The following RIC3 variants were observed in gnomAD, a reference collection of about 807,000 sequenced individuals.
RIC3 encodes the protein RIC3 acetylcholine receptor chaperone.
A neutral mutation model predicts 27.3 loss-of-function variants in RIC3; 28 were observed. The observed-to-expected ratio is 1.02, with a 90% CI of 0.76 to 1.41. RIC3 has a LOEUF of 1.41. Among genes scored for constraint, RIC3 ranks in the 40% most tolerant of loss-of-function variants. The pLI is 0.00. For synonymous variants in RIC3, 184 were observed against 160.4 expected (o/e 1.15, Z -1.11); for missense variants, 501 against 444.7 (o/e 1.13, Z -1.14).
At chr11:8,093,121 G>T in the RIC3 span, among the ~76,000 whole-genome samples, 1 of 152,126 alleles carries the variant, frequency 6.6e-6, no homozygotes, top group Non-Finnish European at 1.5e-5. Flanking sequence ...TTGCTTTGTG[G>T]AAGGAAGCCA....
chr11:8,101,308 A>C (rs978830783), downstream of RIC3, among the ~76,000 whole-genome samples: 2 of 151,574 alleles, frequency 1.3e-5, no homozygotes, highest in South Asian at 4.2e-4. Flanking sequence ...GCCATCTGCC[A>C]CCTCTTTCCT....
chr11:8,141,200 A>C (rs1319519515), intron 1 of RIC3, among the ~76,000 whole-genome samples: 1 of 152,010 alleles, frequency 6.6e-6, no homozygotes, highest in Non-Finnish European at 1.5e-5. Context: ...TTAAATGTAA[A>C]TGGACTAAAT....
chr11:8,112,369 C>T (rs937829034), intron 5 of RIC3, among the ~76,000 whole-genome samples: 19 of 151,448 alleles, frequency 1.3e-4, no homozygotes, highest in African/African-American at 3.4e-4. Context: ...TCTCGGTTCA[C>T]TGCAACCTCT....
At chr11:8,153,942 T>G (rs1458686725) in intron 1 of RIC3, among the ~76,000 whole-genome samples, 1 of 152,186 alleles carries the variant, frequency 6.6e-6, no homozygotes, top group Non-Finnish European at 1.5e-5. Context: ...AATGCTGCAT[T>G]TGGCAAAGAT....
chr11:8,100,754 G>A, the RIC3 span: 2 of 1,593,476 alleles, frequency 1.3e-6, no homozygotes, highest in East Asian at 2.2e-5. Context: ...CCCATTCCCG[G>A]GATAGATCCC....
rs1356953587 is a variant in RIC3 at position 8,108,231 on chromosome 11, A to G, written c.*2467T>C. ...AACAGCCTCACCAAAATACTTGAACATCCATGTATTTTCACACCCTACTGC... is the reference window on the plus strand; with the variant it reads ...AACAGCCTCACCAAAATACTTGAACGTCCATGTATTTTCACACCCTACTGC... On this transcript the variant is annotated 3_prime_UTR_variant, in exon 6 of 6. Coordinates refer to ENST00000309737, the MANE Select transcript of RIC3 (RefSeq NM_001206671.4). 4 of 152,156 alleles carry G rather than the reference A, an allele frequency of 2.6e-5. No individual in the cohort carries two copies. The highest frequency in any genetic ancestry group is 9.7e-5 in the African/African-American group (4 of 41,428). 9.4% of individuals were successfully genotyped at this position (152,156 alleles called of 1,614,324 possible).
chr11:8,111,173 T>C, intron 5 of RIC3, 36 bp from the exon 6 acceptor site: 1 of 1,411,448 alleles, frequency 7.1e-7, no homozygotes, highest in East Asian at 2.4e-5. Context: ...TTACAAAGAA[T>C]GTCTCCTCAA....
At chr11:8,129,360 A>ACCTCTATAGAAAAGATGTCCTAATG (rs1252714077) in intron 4 of RIC3, among the ~76,000 whole-genome samples, 8 of 152,006 alleles carry the variant, frequency 5.3e-5, no homozygotes, top group African/African-American at 1.7e-4. Context: ...TTAGACCATC[A>ACCTCTATAGAAAAGATGTCCTAATG]CCTCTATAGA....
At chr11:8,118,214 G>A (rs1303676543) in intron 5 of RIC3, among the ~76,000 whole-genome samples, 7 of 141,818 alleles carry the variant, frequency 4.9e-5, no homozygotes, top group African/African-American at 1.1e-4. Flanking sequence ...GACAGAGCAA[G>A]GTTCCATCTC....
rs1269526666 is a variant in RIC3, at chr11:8,108,654, G to A, written c.*2044C>T. The A allele has an allele frequency of 6.6e-6, 1 of 152,132 alleles. No individual in the cohort carries two copies. Among genetic ancestry groups the A allele is most frequent in the Non-Finnish European group, 1.5e-5 (1 of 68,022 alleles). 9.4% of individuals were successfully genotyped at this position (152,132 alleles called of 1,614,324 possible). On this transcript the variant is annotated 3_prime_UTR_variant, in exon 6 of 6. Transcript: ENST00000309737. ...TATGGCTCATGTTTCTCTGCCTGCA[G>A]GATTCACGATCCTGAGCCCTCTTAC...
chr11:8,148,445 T>C (rs746751607), intron 1 of RIC3, among the ~76,000 whole-genome samples: 2 of 152,226 alleles, frequency 1.3e-5, no homozygotes, highest in Non-Finnish European at 2.9e-5. Flanking sequence ...ATCAGGTGGC[T>C]AATGTTCAAT....
At chr11:8,159,023 G>T (rs924473408) in intron 1 of RIC3, among the ~76,000 whole-genome samples, 1 of 151,488 alleles carries the variant, frequency 6.6e-6, no homozygotes, top group African/African-American at 2.4e-5. Context: ...GAGCCACCGC[G>T]CTCGGCCACA....
chr11:8,105,904 G>A (rs547392395), downstream of RIC3: 8 of 152,042 alleles, frequency 5.3e-5, no homozygotes, highest in East Asian at 3.9e-4. Flanking sequence ...CTGACTGCTC[G>A]GTCAGGAGGG....
At chr11:8,131,066 T>A (rs975088955) in intron 4 of RIC3, among the ~76,000 whole-genome samples, 13 of 150,144 alleles carry the variant, frequency 8.7e-5, no homozygotes, top group African/African-American at 3.2e-4. Flanking sequence ...AGAAATCACA[T>A]GAGATAGTTA....
downstream of RIC3, chr11:8,105,259 A>G (rs1944502873): frequency 6.6e-6 from 1 of 152,078 alleles, no homozygotes; most frequent in Non-Finnish European, 1.5e-5. Context: ...CTCAGATTAC[A>G]CTTCTCCAGA....
At chr11:8,098,021 A>C in the RIC3 span, among the ~76,000 whole-genome samples, 1 of 152,164 alleles carries the variant, frequency 6.6e-6, no homozygotes, top group Non-Finnish European at 1.5e-5. Context: ...GATGGGAATC[A>C]CACACCCGAC....
intron 4 of RIC3, among the ~76,000 whole-genome samples, chr11:8,129,467 G>A (rs1412446073): frequency 1.3e-5 from 2 of 152,094 alleles, no homozygotes; most frequent in Non-Finnish European, 2.9e-5. Context: ...TGGAGGCCTT[G>A]GAACTATGTT....
At chr11:8,094,791 A>C in the RIC3 span, among the ~76,000 whole-genome samples, 1 of 152,174 alleles carries the variant, frequency 6.6e-6, no homozygotes, top group African/African-American at 2.4e-5. Flanking sequence ...ACTTTTGTTC[A>C]CGGACAGTGG....
intron 1 of RIC3, among the ~76,000 whole-genome samples, chr11:8,159,723 G>C (rs141073607): frequency 4.6e-5 from 7 of 152,264 alleles, no homozygotes; most frequent in African/African-American, 1.7e-4. Flanking sequence ...GGGCATGGTG[G>C]CTCATGTCTG....
Sources: gnomAD v4.1 joint callset for allele counts (sites outside exome capture counted in the v4.1 genomes callset) on GRCh38, gnomAD v4.1.1 for gene constraint, MANE v1.5 for transcripts, NCBI Gene and HGNC (gene_info 2026-07-23, HGNC 2026-07-21) for gene names.